TOX4: variants seen among roughly 807,000 people sequenced by gnomAD.
The protein encoded by TOX4 is TOX high mobility group box family member 4.
Under a neutral mutation model 61.0 loss-of-function variants are expected in TOX4, and 12 were observed. The ratio of observed to expected loss-of-function variants is 0.20; its 90% CI spans 0.13 to 0.32. TOX4 has a LOEUF of 0.32. TOX4 is among the 10% of genes least tolerant of loss of function. The pLI, the probability that TOX4 is intolerant of heterozygous loss-of-function variation, is 1.00. For missense variants in TOX4, 499 were observed against 753.3 expected, an observed-to-expected ratio of 0.66 and a Z score of 3.95; for synonymous variants, 268 against 274.8, an observed-to-expected ratio of 0.98 and a Z score of 0.24.
chr14:21,479,563 G>A (rs1015099078), intron 2 of TOX4, among the ~76,000 whole-genome samples: 6 of 152,030 alleles, frequency 3.9e-5, no homozygotes, highest in Non-Finnish European at 4.4e-5. Context: ...CAGGAGAATC[G>A]CTTGAACCTG....
rs1891424373 is a variant in TOX4 at position 21,497,348 on chromosome 14, G to T, written c.*742G>T. The T allele has an allele frequency of 6.6e-6, 1 of 152,106 alleles. No homozygotes were observed. Among genetic ancestry groups the T allele is most frequent in the Non-Finnish European group, 1.5e-5 (1 of 68,036 alleles). 9.4% of individuals were successfully genotyped at this position (152,106 alleles called of 1,614,324 possible). ...AAAAACAGACTAGAGAAGCCACCTG[G>T]TTGTAACAGAATAAGCAGAAGTTTA... On this transcript the variant is annotated 3_prime_UTR_variant, in exon 9 of 9. Coordinates refer to ENST00000448790, the MANE Select transcript of TOX4 (RefSeq NM_014828.4).
intron 4 of TOX4, 150 bp downstream of exon 4, chr14:21,489,000 T>C (rs12880071): frequency 0.14 from 175,756 of 1,276,410 alleles, 13,220 homozygotes; most frequent in Admixed American, 0.26. Flanking sequence ...ATTTCCAGTT[T>C]ATAATTCTCC....
chr14:21,478,733 C>T (rs1891054165), intron 2 of TOX4, among the ~76,000 whole-genome samples: 1 of 152,020 alleles, frequency 6.6e-6, no homozygotes, highest in Non-Finnish European at 1.5e-5. Flanking sequence ...GTTGCATGGG[C>T]TTATCCTATA....
rs554038240 is a variant in TOX4 at position 21,487,349 on chromosome 14, A to T, written c.76-102A>T. 4.8e-6 allele frequency: 7 copies of T among 1,466,062 alleles called. No homozygotes were observed. The South Asian group carries it at 9.5e-5, about 20-fold the overall frequency. The allele number at this position is 1,466,062 out of a possible 1,614,324, so 90.8% of individuals were successfully genotyped here. A position where few individuals can be genotyped will look rare whatever the true frequency, so the allele number is the denominator to read the frequency against. On this transcript the variant is annotated intron_variant, in intron 2 of 8. Coordinates refer to ENST00000448790, the MANE Select transcript of TOX4 (RefSeq NM_014828.4). ...ATAAAATAGGATCCTAAGCAGAAAA[A>T]ATGCATCCTGAGAATCTCTAGTACC... is the stretch of plus-strand genomic sequence containing the variant.
chr14:21,496,296 A>AGT (rs950603840), intron 8 of TOX4: 12 of 302,636 alleles, frequency 4.0e-5, no homozygotes, highest in Non-Finnish European at 7.4e-5. Flanking sequence ...GGGAGGCCAA[A>AGT]GCGGGCGATT....
intron 4 of TOX4, 33 bp downstream of exon 4, chr14:21,488,883 G>T: frequency 2.5e-6 from 4 of 1,607,618 alleles, no homozygotes; most frequent in Non-Finnish European, 8.5e-7. Context: ...CAATTCTGCT[G>T]TGATAGTCTG....
In TOX4 at chr14:21,492,473, GATTA is replaced by G. The variant is rs770385870; in HGVS notation, c.892-31_892-28del. 20 of 1,610,738 alleles carry G rather than the reference GATTA, an allele frequency of 1.2e-5. 1 individual carries two copies. In the East Asian group the frequency reaches 1.6e-4, roughly 13 times the overall value. On this transcript the variant is annotated intron_variant, in intron 6 of 8. Transcript: ENST00000448790. ...AAGAAGTAAATACCACCAAGTGATT[GATTA>G]ATTGATAGATTGATTTATGTCTTCT...
intron 3 of TOX4, chr14:21,487,938 A>G (rs1441004741): frequency 2.5e-6 from 1 of 399,172 alleles, no homozygotes. Context: ...GGTTTTTGGG[A>G]AAAAGTGTTT....
At chr14:21,477,371 T>C in intron 1 of TOX4, 87 bp downstream of exon 1, 3 of 1,612,984 alleles carry the variant, frequency 1.9e-6, no homozygotes, top group Non-Finnish European at 8.5e-7. Context: ...GAGAGGCGAC[T>C]GACGGGAGAG....
chr14:21,478,694 G>GT (rs1015169272), intron 2 of TOX4, among the ~76,000 whole-genome samples: 49 of 152,130 alleles, frequency 3.2e-4, no homozygotes, highest in East Asian at 5.8e-4. Context: ...ATTTGCATCA[G>GT]TTTTTTTTAC....
At chr14:21,478,768 A>G (rs916546910) in intron 2 of TOX4, among the ~76,000 whole-genome samples, 1 of 151,966 alleles carries the variant, frequency 6.6e-6, no homozygotes, top group African/African-American at 2.4e-5. Context: ...ATGGATGAAA[A>G]TGGGGTTGAC....
intron 2 of TOX4, among the ~76,000 whole-genome samples, chr14:21,478,923 C>T (rs891537905): frequency 1.3e-5 from 2 of 151,704 alleles, no homozygotes; most frequent in African/African-American, 4.8e-5. Flanking sequence ...CCTGCCTCAA[C>T]CTCCCAAGTA....
In TOX4 at chr14:21,497,309, G is replaced by A; in HGVS notation, c.*703G>A. The stretch of plus-strand genomic sequence containing the variant: ...ACCATAGGTCTATCATTATTTCTTA[G>A]ACATAATCTAAAGAAAAACAGACTA... On this transcript the variant is annotated 3_prime_UTR_variant, in exon 9 of 9. Coordinates refer to ENST00000448790, the MANE Select transcript of TOX4 (RefSeq NM_014828.4). The A allele has an allele frequency of 6.6e-6, 1 of 152,154 alleles. No individual in the cohort carries two copies. The allele number at this position is 152,154 out of a possible 1,614,324, so 9.4% of individuals were successfully genotyped here. A position where few individuals can be genotyped will look rare whatever the true frequency, so the allele number is the denominator to read the frequency against.
Position 21,484,523 on chromosome 14 carries a change from T to A in TOX4, c.76-2928T>A, listed in dbSNP as rs533101748. On this transcript the variant is annotated intron_variant, in intron 2 of 8. Transcript: ENST00000448790. Reference sequence around the variant, plus strand: ...TGCCACCACACCTGGCTAATTTTTGTATTTTTAGTAGAGATGGATTTTCGC... The same window carrying A: ...TGCCACCACACCTGGCTAATTTTTGAATTTTTAGTAGAGATGGATTTTCGC... Among the ~76,000 whole-genome samples, 5 of 53,764 alleles carry A rather than the reference T, an allele frequency of 9.3e-5. 2 individuals are homozygous for A. The South Asian group carries it at 3.1e-3, about 34-fold the overall frequency. The allele number at this position is 53,764 out of a possible 152,430, so 35.3% of individuals were successfully genotyped here.
intron 2 of TOX4, among the ~76,000 whole-genome samples, chr14:21,483,080 T>C (rs1203389744): frequency 6.6e-6 from 1 of 152,212 alleles, no homozygotes; most frequent in Non-Finnish European, 1.5e-5. Context: ...CCAGTTCATT[T>C]TATGTAGCCA....
At chr14:21,489,046 A>G in intron 4 of TOX4, 127 bp from the exon 5 acceptor site, 1 of 1,246,816 alleles carries the variant, frequency 8.0e-7, no homozygotes, top group South Asian at 1.5e-5. Context: ...TCCATATTTG[A>G]CTAATGTCTT....
rs931253225 is a variant in TOX4 at position 21,492,021 on chromosome 14, TA to T, written c.811-267del. Reference sequence around the variant, plus strand: ...GCACGACTCTGTCTCAAAAAAAATTTAAAAAAAATAAAATAAATGTAGCAAA... The same window carrying T: ...GCACGACTCTGTCTCAAAAAAAATTTAAAAAAATAAAATAAATGTAGCAAA... On this transcript the variant is annotated intron_variant, in intron 5 of 8. Coordinates refer to ENST00000448790, the MANE Select transcript of TOX4 (RefSeq NM_014828.4). 9.4e-5 allele frequency: 23 copies of T among 243,810 alleles called. No homozygotes were observed. In the Admixed American group the frequency reaches 9.7e-4, roughly 10 times the overall value. 15.1% of individuals were successfully genotyped at this position (243,810 alleles called of 1,614,324 possible).
intron 2 of TOX4, among the ~76,000 whole-genome samples, chr14:21,477,990 G>A (rs1402501042): frequency 1.3e-5 from 2 of 152,336 alleles, no homozygotes; most frequent in Non-Finnish European, 2.9e-5. Flanking sequence ...AGGTTGAAGT[G>A]CAGTGGTGCG....
At chr14:21,483,383 A>C (rs4982449) in intron 2 of TOX4, among the ~76,000 whole-genome samples, 1 of 130,396 alleles carries the variant, frequency 7.7e-6, no homozygotes, top group Admixed American at 7.6e-5. Context: ...TCCTGTTCCT[A>C]TAACTTTTTT....
Sources: allele counts gnomAD v4.1 joint callset (sites outside exome capture counted in the v4.1 genomes callset), GRCh38; gene constraint gnomAD v4.1.1; transcripts MANE v1.5; gene names NCBI Gene and HGNC (gene_info 2026-07-23, HGNC 2026-07-21).